Variants in HMBOX1 observed in about 807,000 individuals in gnomAD.
The protein encoded by HMBOX1 is homeobox-containing protein 1.
Under a neutral mutation model 54.5 loss-of-function variants are expected in HMBOX1, and 14 were observed. The observed-to-expected ratio is 0.26, with a 90% CI of 0.17 to 0.40. The LOEUF (loss-of-function observed/expected upper bound fraction) is 0.40. Ranked by LOEUF, HMBOX1 falls within the 10% of genes least tolerant of loss-of-function variation. The probability of loss-of-function intolerance (pLI) is 1.00; values close to 1 mark genes in which losing one functional copy is unlikely to be tolerated. For missense variants in HMBOX1, 332 were observed against 514.4 expected, an observed-to-expected ratio of 0.65 and a Z score of 3.43; for synonymous variants, 160 against 181.0, an observed-to-expected ratio of 0.88 and a Z score of 0.93.
chr8:29,034,557 T>C (rs1239521817), intron 6 of HMBOX1, among the ~76,000 whole-genome samples: 1 of 152,190 alleles, frequency 6.6e-6, no homozygotes, highest in African/African-American at 2.4e-5. Flanking sequence ...TTAATTTGGC[T>C]TTTCAAGAGG....
At chr8:28,993,103 C>T (rs755989262) in intron 4 of HMBOX1, among the ~76,000 whole-genome samples, 3 of 151,498 alleles carry the variant, frequency 2.0e-5, no homozygotes, top group Non-Finnish European at 4.4e-5. Flanking sequence ...AGTATTATCA[C>T]TATTTTCAGA....
intron 6 of HMBOX1, among the ~76,000 whole-genome samples, chr8:29,039,820 T>A (rs1254088042): frequency 1.3e-5 from 2 of 152,128 alleles, no homozygotes; most frequent in Non-Finnish European, 2.9e-5. Flanking sequence ...GGTGGCCACA[T>A]AATTTATTGT....
intron 6 of HMBOX1, among the ~76,000 whole-genome samples, chr8:29,038,520 C>T (rs1005323212): frequency 5.3e-5 from 8 of 152,112 alleles, no homozygotes; most frequent in African/African-American, 7.2e-5. Context: ...CTTTAGAGTC[C>T]AATAGCCAAG....
chr8:29,035,267 C>A (rs1268285101), intron 6 of HMBOX1, among the ~76,000 whole-genome samples: 3 of 152,070 alleles, frequency 2.0e-5, no homozygotes, highest in Non-Finnish European at 4.4e-5. Context: ...ATGGATTGAT[C>A]CTTATCAATC....
chr8:28,933,082 T>C (rs1348494963), intron 1 of HMBOX1, among the ~76,000 whole-genome samples: 4 of 152,218 alleles, frequency 2.6e-5, no homozygotes. Flanking sequence ...GTACTCTTTT[T>C]TTTTGATGGA....
At chr8:28,913,653 C>A (rs1459570057) in intron 1 of HMBOX1, among the ~76,000 whole-genome samples, 1 of 152,214 alleles carries the variant, frequency 6.6e-6, no homozygotes, top group East Asian at 1.9e-4. Flanking sequence ...CCATGCATTT[C>A]TCTTTCTCTC....
rs570643005 is a variant in HMBOX1 at position 29,017,533 on chromosome 8, T to G, written c.698-1227T>G. Reference sequence around the variant, plus strand: ...AAAATTGATCTGATACTGGAAATATTTTGAAGATAAAATGAACTTGCCTAT... The same window carrying G: ...AAAATTGATCTGATACTGGAAATATGTTGAAGATAAAATGAACTTGCCTAT... On this transcript the variant is annotated intron_variant, in intron 5 of 9. Transcript: ENST00000287701. 7.9e-5 allele frequency among the ~76,000 whole-genome samples: 12 copies of G among 152,316 alleles called. No individual in the cohort carries two copies. The South Asian group carries it at 1.9e-3, about 24-fold the overall frequency.
At chr8:28,922,188 A>G (rs1817668372) in intron 1 of HMBOX1, among the ~76,000 whole-genome samples, 1 of 152,252 alleles carries the variant, frequency 6.6e-6, no homozygotes, top group South Asian at 2.1e-4. Flanking sequence ...ATTATTCCCT[A>G]AACAATACAG....
At chr8:28,989,333 C>T (rs1180740039) in intron 4 of HMBOX1, among the ~76,000 whole-genome samples, 1 of 151,608 alleles carries the variant, frequency 6.6e-6, no homozygotes, top group Non-Finnish European at 1.5e-5. Context: ...TCATGTTTTC[C>T]TCTGTAAGTT....
At chr8:29,006,907 A>C (rs1217984023) in intron 4 of HMBOX1, among the ~76,000 whole-genome samples, 3 of 152,208 alleles carry the variant, frequency 2.0e-5, no homozygotes, top group Non-Finnish European at 2.9e-5. Flanking sequence ...GTATGATAGC[A>C]ATATGAAGAA....
chr8:28,920,084 G>A (rs190098677), intron 1 of HMBOX1, among the ~76,000 whole-genome samples: 186 of 152,136 alleles, frequency 1.2e-3, no homozygotes, highest in African/African-American at 4.2e-3. Context: ...GACAGATGCA[G>A]CATTTTTTTC....
rs528339057 is a variant in HMBOX1 at position 28,940,975 on chromosome 8, A to G, written c.-57-22836A>G. ...TAACCTATAGGAGTTGTATTTCAAG[A>G]TGGAGTTTAGTTTCTAATTCTTTTA... is the stretch of plus-strand genomic sequence containing the variant. On this transcript the variant is annotated intron_variant, in intron 1 of 9. Transcript: ENST00000287701. Among the ~76,000 whole-genome samples, 6 of 152,296 alleles carry G rather than the reference A, an allele frequency of 3.9e-5. No homozygotes were observed. In the East Asian group the frequency reaches 1.2e-3, roughly 29 times the overall value.
chr8:28,924,818 G>A (rs1818159738), intron 1 of HMBOX1: 1 of 151,654 alleles, frequency 6.6e-6, no homozygotes, highest in African/African-American at 2.4e-5. Context: ...CTCCATGTTG[G>A]TCAGGCTGGT....
chr8:28,896,224 T>G (rs968888883), intron 1 of HMBOX1, among the ~76,000 whole-genome samples: 1 of 152,358 alleles, frequency 6.6e-6, no homozygotes, highest in East Asian at 1.9e-4. Context: ...TTTTGGCATA[T>G]TATAGTTTAC....
At chr8:28,914,300 G>C (rs938268196) in intron 1 of HMBOX1, among the ~76,000 whole-genome samples, 3 of 151,976 alleles carry the variant, frequency 2.0e-5, no homozygotes, top group Non-Finnish European at 4.4e-5. Flanking sequence ...AACCTGCATT[G>C]TCAAAGAGGA....
chr8:28,916,340 A>G (rs1263682745), intron 1 of HMBOX1, among the ~76,000 whole-genome samples: 2 of 152,212 alleles, frequency 1.3e-5, no homozygotes, highest in Admixed American at 1.3e-4. Context: ...AGTATGTGCC[A>G]ATCAGGAATT....
chr8:28,967,754 G>A (rs890304027), intron 2 of HMBOX1, among the ~76,000 whole-genome samples: 4 of 152,004 alleles, frequency 2.6e-5, no homozygotes, highest in Non-Finnish European at 5.9e-5. Context: ...ATATTGTGGG[G>A]GAACTTAGGC....
intron 1 of HMBOX1, among the ~76,000 whole-genome samples, chr8:28,944,091 C>A (rs947598326): frequency 3.3e-5 from 5 of 152,114 alleles, no homozygotes; most frequent in African/African-American, 1.2e-4. Flanking sequence ...TAGATACTGC[C>A]CCTAGATGGT....
In HMBOX1 at chr8:29,048,942, C is replaced by T; in HGVS notation, c.1031-12C>T. 1.3e-6 allele frequency: 2 copies of T among 1,580,548 alleles called. No individual in the cohort carries two copies. Among genetic ancestry groups the T allele is most frequent in the Non-Finnish European group, 1.7e-6 (2 of 1,156,154 alleles). ...AACAGATAATTTAGGGATCTATTTGCTTTTTTCGAAGAAGCAGCAATCCTG... is the reference window on the plus strand; with the variant it reads ...AACAGATAATTTAGGGATCTATTTGTTTTTTTCGAAGAAGCAGCAATCCTG... On this transcript the variant is annotated splice_polypyrimidine_tract_variant and intron_variant, in intron 8 of 9. Transcript: ENST00000287701.
Sources: gnomAD v4.1 joint callset for allele counts (sites outside exome capture counted in the v4.1 genomes callset) on GRCh38, gnomAD v4.1.1 for gene constraint, MANE v1.5 for transcripts, NCBI Gene and HGNC (gene_info 2026-07-23, HGNC 2026-07-21) for gene names.